Variants in LYRM4 observed in about 807,000 individuals in gnomAD.
LYRM4 encodes LYR motif containing 4.
LYRM4 carries 9 observed loss-of-function variants against 11.7 expected under a neutral mutation model. The ratio of observed to expected loss-of-function variants is 0.77; its 90% confidence interval spans 0.46 to 1.34. The LOEUF (loss-of-function observed/expected upper bound fraction) is 1.34, where lower values mean the gene tolerates loss of function less well. Ranked by LOEUF, LYRM4 falls within the 40% of genes most tolerant of loss-of-function variation. The pLI is 0.00. For missense variants in LYRM4, 133 were observed against 112.5 expected, an observed-to-expected ratio of 1.18 and a Z score of -0.82; for synonymous variants, 42 against 40.4, an observed-to-expected ratio of 1.04 and a Z score of -0.15.
chr6:5,124,073 G>A (rs972245464), intron 2 of LYRM4, among the ~76,000 whole-genome samples: 31 of 152,242 alleles, frequency 2.0e-4, no homozygotes, highest in African/African-American at 7.0e-4. Context: ...GCGGGCACAC[G>A]CTCTCTCTTA....
chr6:5,034,761 T>TAAA, the LYRM4 span: 14 of 12,066 alleles, frequency 1.2e-3, 2 homozygotes, highest in African/African-American at 2.2e-3. Flanking sequence ...TGCTTTTTTT[T>TAAA]TTTTTTTTTC....
the LYRM4 span, among the ~76,000 whole-genome samples, chr6:5,084,082 C>T: frequency 2.6e-5 from 4 of 152,146 alleles, no homozygotes; most frequent in Non-Finnish European, 5.9e-5. Context: ...CCAACCTGGG[C>T]AGCATAGCAA....
At chr6:5,062,833 G>A in the LYRM4 span, among the ~76,000 whole-genome samples, 1 of 152,176 alleles carries the variant, frequency 6.6e-6, no homozygotes, top group African/African-American at 2.4e-5. Flanking sequence ...GCACACTTTA[G>A]AATCTGTGAT....
At chr6:5,141,751 C>T (rs941972242) in intron 2 of LYRM4, among the ~76,000 whole-genome samples, 1 of 152,108 alleles carries the variant, frequency 6.6e-6, no homozygotes, top group Non-Finnish European at 1.5e-5. Context: ...TACCCCCCCA[C>T]CAAACTGAAC....
chr6:5,259,318 C>G (rs969183186), intron 1 of LYRM4, among the ~76,000 whole-genome samples: 5 of 151,982 alleles, frequency 3.3e-5, no homozygotes, highest in Non-Finnish European at 7.3e-5. Context: ...GTACTTGGTG[C>G]TAGGTGTTTG....
intron 2 of LYRM4, among the ~76,000 whole-genome samples, chr6:5,191,379 G>T (rs1170428976): frequency 6.6e-6 from 1 of 152,170 alleles, no homozygotes; most frequent in Non-Finnish European, 1.5e-5. Context: ...TCCTTTTGAT[G>T]CCAGACTGAC....
At chr6:5,195,397 G>T (rs1364200809) in intron 2 of LYRM4, among the ~76,000 whole-genome samples, 3 of 151,822 alleles carry the variant, frequency 2.0e-5, no homozygotes, top group Admixed American at 1.3e-4. Context: ...ATCACTTGAG[G>T]TCAGGAGTTT....
At chr6:5,054,993 C>A in the LYRM4 span, among the ~76,000 whole-genome samples, 3 of 152,190 alleles carry the variant, frequency 2.0e-5, no homozygotes, top group Non-Finnish European at 2.9e-5. Context: ...TCTGGAGAGT[C>A]TGACACCTTT....
At chr6:5,101,083 G>A (rs144112750), downstream of LYRM4, among the ~76,000 whole-genome samples, 139 of 152,056 alleles carry the variant, frequency 9.1e-4, no homozygotes, top group Admixed American at 1.7e-3. Context: ...CATCGCTGCC[G>A]TACATCGCTG....
At chr6:5,083,856 A>C in the LYRM4 span, among the ~76,000 whole-genome samples, 1 of 152,214 alleles carries the variant, frequency 6.6e-6, no homozygotes, top group African/African-American at 2.4e-5. Flanking sequence ...AGAATCCCCA[A>C]CTTTCTATAT....
chr6:5,066,790 A>G, the LYRM4 span: 1 of 738,490 alleles, frequency 1.4e-6, no homozygotes, highest in Non-Finnish European at 2.4e-6. Context: ...ATGGAGTTTA[A>G]CACCCTCCTT....
intron 2 of LYRM4, among the ~76,000 whole-genome samples, chr6:5,163,557 G>A (rs1185254763): frequency 2.7e-5 from 4 of 148,910 alleles, no homozygotes; most frequent in Admixed American, 6.7e-5. Flanking sequence ...ATTTTCATGT[G>A]AATTTTTGAA....
chr6:5,202,058 A>C (rs1331628211), intron 2 of LYRM4, among the ~76,000 whole-genome samples: 2 of 152,266 alleles, frequency 1.3e-5, no homozygotes, highest in African/African-American at 4.8e-5. Flanking sequence ...ATAAATGAAA[A>C]GTTAACTGCT....
chr6:5,126,784 C>A (rs1024550586), intron 2 of LYRM4, among the ~76,000 whole-genome samples: 1 of 152,034 alleles, frequency 6.6e-6, no homozygotes, highest in Non-Finnish European at 1.5e-5. Context: ...CAGGCCAATA[C>A]ATAGAGACAG....
At chr6:5,253,142 T>C (rs1432426502) in intron 1 of LYRM4, among the ~76,000 whole-genome samples, 12 of 152,234 alleles carry the variant, frequency 7.9e-5, no homozygotes, top group Admixed American at 7.2e-4. Flanking sequence ...AACACATTAA[T>C]AAAAACTCAA....
chr6:5,169,226 G>A (rs997751534), intron 2 of LYRM4, among the ~76,000 whole-genome samples: 1 of 152,112 alleles, frequency 6.6e-6, no homozygotes, highest in Admixed American at 6.6e-5. Context: ...ACCGTGCCTG[G>A]CACTGACTTG....
intron 1 of LYRM4, among the ~76,000 whole-genome samples, chr6:5,238,161 T>G (rs1763662806): frequency 1.3e-5 from 2 of 152,140 alleles, no homozygotes; most frequent in South Asian, 4.2e-4. Context: ...CACAAACAAT[T>G]CTGATCTGTG....
At chr6:5,094,913 G>T in the LYRM4 span, among the ~76,000 whole-genome samples, 109,525 of 152,028 alleles carry the variant, frequency 0.72, 40,253 homozygotes, top group African/African-American at 0.87. Context: ...TGTTTAATAT[G>T]TGGTAGTACT....
chr6:5,072,615 G>A, the LYRM4 span, among the ~76,000 whole-genome samples: 9 of 139,782 alleles, frequency 6.4e-5, no homozygotes, highest in African/African-American at 2.2e-4. Flanking sequence ...TTTCACTCTC[G>A]TTGCCCAGGC....
Sources: allele counts gnomAD v4.1 joint callset (sites outside exome capture counted in the v4.1 genomes callset), GRCh38; gene constraint gnomAD v4.1.1; transcripts MANE v1.5; gene names NCBI Gene and HGNC (gene_info 2026-07-23, HGNC 2026-07-21).